Variants in KIF3A observed in about 807,000 individuals in gnomAD.
KIF3A encodes kinesin family member 3A.
In KIF3A, 27 loss-of-function variants were observed where a neutral mutation model predicts 92.6. That is an observed-to-expected ratio of 0.29 (90% CI 0.21 to 0.40). The LOEUF (loss-of-function observed/expected upper bound fraction) is 0.40, where lower values mean the gene tolerates loss of function less well. Among genes scored for constraint, KIF3A ranks in the 10% least tolerant of loss-of-function variants. KIF3A has a pLI of 1.00. For missense variants in KIF3A, 581 were observed against 872.6 expected (o/e 0.67, Z 4.21); for synonymous variants, 250 against 275.4 (o/e 0.91, Z 0.92).
At chr5:132,721,467 G>A (rs1581090070) in intron 4 of KIF3A, 2 of 152,186 alleles carry the variant, frequency 1.3e-5, no homozygotes, top group Admixed American at 1.3e-4. Flanking sequence ...GCAGAGGCCT[G>A]TGGTTGCCAG....
At chr5:132,707,613 T>C (rs1404396172) in intron 10 of KIF3A, among the ~76,000 whole-genome samples, 1 of 152,222 alleles carries the variant, frequency 6.6e-6, no homozygotes, top group African/African-American at 2.4e-5. Context: ...CCAAGTATTT[T>C]ACAAATTATC....
intron 1 of KIF3A, chr5:132,736,720 G>A (rs1754400201): frequency 4.5e-6 from 2 of 440,514 alleles, no homozygotes; most frequent in East Asian, 7.1e-5. Flanking sequence ...TGGGAACTAA[G>A]GACCCAGACA....
chr5:132,721,980 CA>C (rs1222761260), intron 4 of KIF3A, among the ~76,000 whole-genome samples: 1 of 152,148 alleles, frequency 6.6e-6, no homozygotes, highest in Non-Finnish European at 1.5e-5. Flanking sequence ...CAATGCTTCT[CA>C]AAAAATCTCT....
At chr5:132,707,130 C>T (rs1456586514) in intron 10 of KIF3A, among the ~76,000 whole-genome samples, 1 of 144,074 alleles carries the variant, frequency 6.9e-6, no homozygotes, top group Non-Finnish European at 1.5e-5. Context: ...GGATTAAGGG[C>T]TTTTTTTTTT....
chr5:132,734,142 A>C, intron 2 of KIF3A, 63 bp downstream of exon 2: 1 of 1,301,830 alleles, frequency 7.7e-7, no homozygotes, highest in Non-Finnish European at 1.1e-6. Context: ...GCAATATGTG[A>C]ATTTATGGCA....
chr5:132,697,600 G>T (rs2149890864), intron 18 of KIF3A: 1 of 152,316 alleles, frequency 6.6e-6, no homozygotes, highest in Non-Finnish European at 1.5e-5. Flanking sequence ...CAGATCACCT[G>T]AAGTCAGGGG....
intron 2 of KIF3A, among the ~76,000 whole-genome samples, chr5:132,727,417 AG>A (rs1258830560): frequency 4.6e-5 from 7 of 152,176 alleles, no homozygotes; most frequent in Non-Finnish European, 7.4e-5. Flanking sequence ...GAAAAAGGAG[AG>A]GGGGTCAGGG....
chr5:132,715,708 C>T, intron 8 of KIF3A, 49 bp downstream of exon 8: 1 of 1,420,540 alleles, frequency 7.0e-7, no homozygotes, highest in Non-Finnish European at 9.8e-7. Flanking sequence ...AGTGGTTCAA[C>T]AATGTATTTT....
At chr5:132,705,877 TA>T (rs1034771527) in intron 11 of KIF3A, among the ~76,000 whole-genome samples, 4 of 152,016 alleles carry the variant, frequency 2.6e-5, no homozygotes, top group Non-Finnish European at 5.9e-5. Context: ...GACTTTTTTT[TA>T]AAAAAACCTT....
At chr5:132,701,183 G>C (rs1420716435) in intron 15 of KIF3A, among the ~76,000 whole-genome samples, 1 of 151,610 alleles carries the variant, frequency 6.6e-6, no homozygotes, top group African/African-American at 2.4e-5. Flanking sequence ...TCTTAAAACT[G>C]TATTGAGATT....
rs1215180414 is a variant in KIF3A at position 132,695,580 on chromosome 5, T to A, written c.*1054A>T. On this transcript the variant is annotated 3_prime_UTR_variant, in exon 19 of 19. Transcript: ENST00000403231. ...TTACTTTACTATGAAATCAACATAG[T>A]TTTTATTTGTAGAGGAATATGGTCT... The A allele has an allele frequency of 6.6e-6, 1 of 152,332 alleles. No individual in the cohort carries two copies. The highest frequency in any genetic ancestry group is 1.9e-4 in the East Asian group (1 of 5,344). The allele number at this position is 152,332 out of a possible 1,614,324, so 9.4% of individuals were successfully genotyped here. A position where few individuals can be genotyped will look rare whatever the true frequency, so the allele number is the denominator to read the frequency against.
intron 4 of KIF3A, chr5:132,723,042 CAT>C (rs1456160911): frequency 1.3e-5 from 2 of 152,090 alleles, no homozygotes; most frequent in Admixed American, 6.6e-5. Flanking sequence ...ATTAATGTCA[CAT>C]ATGAGTTTTA....
intron 4 of KIF3A, chr5:132,721,375 A>C (rs1403462237): frequency 6.6e-6 from 1 of 152,244 alleles, no homozygotes; most frequent in Non-Finnish European, 1.5e-5. Context: ...CCTAAAATAC[A>C]AGTGGCACTG....
Position 132,716,257 on chromosome 5 carries a change from T to C in KIF3A, c.942A>G (p.Ser314=). ...AATTAAGTCTTACCATCATGGTTTT[T>C]GAATTTCCTCCTAAGGAATCCTGAA... ...RLLQDSLGGN[S]KTMMCANIGP... Residue 314 remains serine (S), a synonymous_variant, in exon 7 of 19, where the codon TCA becomes TCG. Transcript: ENST00000403231. 1.9e-5 allele frequency: 30 copies of C among 1,613,494 alleles called. No homozygotes were observed. Among genetic ancestry groups the C allele is most frequent in the Non-Finnish European group, 2.5e-5 (30 of 1,179,456 alleles).
At chr5:132,708,786 T>C (rs1170736872) in intron 10 of KIF3A, 121 bp downstream of exon 10, 2 of 603,694 alleles carry the variant, frequency 3.3e-6, no homozygotes, top group Non-Finnish European at 5.9e-6. Context: ...TTTGTTCTAC[T>C]GAGGAATCCA....
chr5:132,689,581 G>A (rs1752614948), downstream of KIF3A: 1 of 152,142 alleles, frequency 6.6e-6, no homozygotes, highest in Non-Finnish European at 1.5e-5. Context: ...CTGGTACTTA[G>A]CTTTAAAAGA....
chr5:132,691,251 T>C (rs1253198204), downstream of KIF3A, among the ~76,000 whole-genome samples: 1 of 152,110 alleles, frequency 6.6e-6, no homozygotes, highest in African/African-American at 2.4e-5. Context: ...AAAATTCAGA[T>C]AGAAGTATTT....
At chr5:132,711,556 T>C (rs10793813) in intron 8 of KIF3A, among the ~76,000 whole-genome samples, 135,398 of 152,094 alleles carry the variant, frequency 0.89, 60,347 homozygotes, top group East Asian at 0.92. Flanking sequence ...GGCACCACTG[T>C]ACTCCAGCCT....
chr5:132,710,900 C>CTCTA, intron 9 of KIF3A, 59 bp downstream of exon 9: 1 of 1,610,988 alleles, frequency 6.2e-7, no homozygotes, highest in African/African-American at 1.3e-5. Context: ...AAGTCATGCA[C>CTCTA]TCTACCACCT....
Sources: gnomAD v4.1 joint callset for allele counts (sites outside exome capture counted in the v4.1 genomes callset) on GRCh38, gnomAD v4.1.1 for gene constraint, MANE v1.5 for transcripts, NCBI Gene and HGNC (gene_info 2026-07-23, HGNC 2026-07-21) for gene names.